TRPS1: variants seen among roughly 807,000 people sequenced by gnomAD.
The protein encoded by TRPS1 is zinc finger transcription factor Trps1.
A neutral mutation model predicts 101.2 loss-of-function variants in TRPS1; 6 were observed. The ratio of observed to expected loss-of-function variants is 0.06; its 90% CI spans 0.03 to 0.12. The LOEUF is 0.12. Among genes scored for constraint, TRPS1 ranks in the 10% least tolerant of loss-of-function variants. The pLI, the probability that TRPS1 is intolerant of heterozygous loss-of-function variation, is 1.00. For missense variants in TRPS1, 1,363 were observed against 1,567.0 expected (o/e 0.87, Z 2.20); for synonymous variants, 578 against 589.8 (o/e 0.98, Z 0.29).
rs3808433 is a variant in TRPS1 at position 115,545,204 on chromosome 8, G to C, written c.2700+41797C>G. On this transcript the variant is annotated intron_variant, in intron 5 of 6. Coordinates refer to ENST00000395715, the MANE Select transcript of TRPS1 (RefSeq NM_014112.5). ...CTACTATCAAATGCAGTCAAGCACA[G>C]GAAGAAAGAATACACTGATGACCGA... Among the ~76,000 whole-genome samples the C allele has an allele frequency of 1.1e-3, 172 of 152,214 alleles. 2 individuals carry two copies. The East Asian group carries it at 0.029, about 25-fold the overall frequency.
chr8:115,624,481 T>G (rs766194036), intron 1 of TRPS1, among the ~76,000 whole-genome samples: 13 of 151,992 alleles, frequency 8.6e-5, no homozygotes, highest in African/African-American at 1.4e-4. Flanking sequence ...ATAATGAGAA[T>G]GCATATTATA....
At chr8:115,492,723 T>C (rs185046707) in intron 5 of TRPS1, among the ~76,000 whole-genome samples, 2 of 152,198 alleles carry the variant, frequency 1.3e-5, no homozygotes, top group East Asian at 1.9e-4. Context: ...GTGTTTTTTG[T>C]TTCTGTTTGA....
chr8:115,445,862 G>T (rs1813720122), intron 5 of TRPS1, among the ~76,000 whole-genome samples: 2 of 152,196 alleles, frequency 1.3e-5, no homozygotes, highest in Middle Eastern at 3.4e-3. Flanking sequence ...ATGCATAAGG[G>T]TTTTAACATA....
intron 5 of TRPS1, among the ~76,000 whole-genome samples, chr8:115,450,702 C>T (rs1253569157): frequency 6.6e-6 from 1 of 152,092 alleles, no homozygotes; most frequent in African/African-American, 2.4e-5. Context: ...CTGAACACCA[C>T]ATATACATGA....
chr8:115,612,960 A>C (rs1290569488), intron 3 of TRPS1, among the ~76,000 whole-genome samples: 2 of 152,214 alleles, frequency 1.3e-5, no homozygotes, highest in Non-Finnish European at 2.9e-5. Flanking sequence ...GGAGGACATA[A>C]ATGGGAATGG....
At chr8:115,497,844 G>A (rs1183264478) in intron 5 of TRPS1, among the ~76,000 whole-genome samples, 1 of 152,112 alleles carries the variant, frequency 6.6e-6, no homozygotes, top group Admixed American at 6.5e-5. Context: ...ATACCAATCA[G>A]GTGCATTCTT....
intron 5 of TRPS1, among the ~76,000 whole-genome samples, chr8:115,489,137 T>C (rs553999718): frequency 1.3e-5 from 2 of 152,330 alleles, no homozygotes; most frequent in East Asian, 3.9e-4. Context: ...AATACATACC[T>C]GATCTCAAGT....
At chr8:115,668,030 C>G in intron 1 of TRPS1, 1 of 771,914 alleles carries the variant, frequency 1.3e-6, no homozygotes, top group Non-Finnish European at 2.0e-6. Flanking sequence ...AAAGAGACAG[C>G]GAGGGGGAGT....
chr8:115,504,561 AAC>A (rs1317226469), intron 5 of TRPS1, among the ~76,000 whole-genome samples: 2 of 152,156 alleles, frequency 1.3e-5, no homozygotes, highest in African/African-American at 4.8e-5. Context: ...CCTACCTTTA[AAC>A]ACAGTTGTGT....
chr8:115,497,599 TAG>T (rs2130127545), intron 5 of TRPS1, among the ~76,000 whole-genome samples: 1 of 152,162 alleles, frequency 6.6e-6, no homozygotes, highest in Non-Finnish European at 1.5e-5. Context: ...AAAAGAAAAA[TAG>T]AGACATGATT....
intron 5 of TRPS1, among the ~76,000 whole-genome samples, chr8:115,465,275 A>T (rs925429249): frequency 6.6e-6 from 1 of 152,112 alleles, no homozygotes; most frequent in Non-Finnish European, 1.5e-5. Flanking sequence ...TTAGGAAGAA[A>T]TTCCCAATGC....
intron 5 of TRPS1, among the ~76,000 whole-genome samples, chr8:115,506,522 C>T (rs1323263586): frequency 1.3e-5 from 2 of 151,890 alleles, no homozygotes; most frequent in Non-Finnish European, 2.9e-5. Context: ...TATTACATTG[C>T]CTGGCTCATA....
Position 115,418,299 on chromosome 8 carries a change from C to T in TRPS1, c.2823+31G>A, listed in dbSNP as rs1222574508. 1 of 1,613,994 alleles carries T rather than the reference C, an allele frequency of 6.2e-7. No homozygotes were observed. Among genetic ancestry groups the T allele is most frequent in the South Asian group, 1.1e-5 (1 of 91,090 alleles). On this transcript the variant is annotated intron_variant, in intron 6 of 6. Transcript: ENST00000395715. This position sits in a 1 kb window ranked among gnomAD's most constrained non-coding sequence, Gnocchi z 4.3. ...ACCAGGCCAACACTGCTTTATAAAG[C>T]TTTTCCTGAAAGAGTGGAACAAGTT...
Position 115,604,560 on chromosome 8 carries a change from T to C in TRPS1, c.1409A>G (p.Lys470Arg). 1 of 1,614,072 alleles carries C rather than the reference T, an allele frequency of 6.2e-7. No individual in the cohort carries two copies. Reference sequence around the variant, plus strand: ...GCCTGACTGCACTGCTCCGTGCTGCTTGCCATAATGTTCTAGCAGTTTAAG... The same window carrying C: ...GCCTGACTGCACTGCTCCGTGCTGCCTGCCATAATGTTCTAGCAGTTTAAG... ...SSLKLLEHYG[K>R]QHGAVQSGGL... is the part of the protein sequence containing the mutation. The change falls in exon 4 of 7, where the codon AAG (lysine) becomes AGG (arginine). Residue 470 changes from lysine (K) to arginine (R), a missense_variant. By Grantham distance (26) the Lys-to-Arg change is conservative (BLOSUM62 2). Coordinates refer to ENST00000395715, the MANE Select transcript of TRPS1 (RefSeq NM_014112.5). The surrounding 1 kb of genome is among the most constrained non-coding windows in gnomAD (Gnocchi z 4.1).
At chr8:115,546,810 T>C (rs1816585171) in intron 5 of TRPS1, among the ~76,000 whole-genome samples, 1 of 152,224 alleles carries the variant, frequency 6.6e-6, no homozygotes, top group African/African-American at 2.4e-5. Flanking sequence ...AAAATTTGCT[T>C]ACTTTTTAAC....
At chr8:115,526,928 T>G (rs761222996) in intron 5 of TRPS1, among the ~76,000 whole-genome samples, 76 of 152,178 alleles carry the variant, frequency 5.0e-4, no homozygotes, top group Non-Finnish European at 9.0e-4. Flanking sequence ...CTAGGAGAGA[T>G]ACACTGATGT....
intron 5 of TRPS1, among the ~76,000 whole-genome samples, chr8:115,449,142 CTG>C (rs1473363558): frequency 6.6e-6 from 1 of 152,058 alleles, no homozygotes; most frequent in Non-Finnish European, 1.5e-5. Flanking sequence ...CTAATTTCCT[CTG>C]TTATAAAGAA....
rs1429973526 is a variant in TRPS1 at position 115,498,413 on chromosome 8, CTCTATATATATATATATA to C, written c.2701-79979_2701-79962del. On this transcript the variant is annotated intron_variant, in intron 5 of 6. Coordinates refer to ENST00000395715, the MANE Select transcript of TRPS1 (RefSeq NM_014112.5). ...TCTCTCTCTCTCTCTCTCTCTCTCTCTCTATATATATATATATATATATATATATATATATATAGTTGA... is the reference window on the plus strand; with the variant it reads ...TCTCTCTCTCTCTCTCTCTCTCTCTCTATATATATATATATATATAGTTGA... Among the ~76,000 whole-genome samples the C allele has an allele frequency of 5.0e-4, 32 of 63,472 alleles. 1 individual carries two copies. In the East Asian group the frequency reaches 6.3e-3, roughly 12 times the overall value. The allele number at this position is 63,472 out of a possible 152,430, so 41.6% of individuals were successfully genotyped here. A position where few individuals can be genotyped will look rare whatever the true frequency, so the allele number is the denominator to read the frequency against.
At chr8:115,569,091 T>A (rs1273150169) in intron 5 of TRPS1, among the ~76,000 whole-genome samples, 1 of 152,022 alleles carries the variant, frequency 6.6e-6, no homozygotes, top group African/African-American at 2.4e-5. Flanking sequence ...AGGAGTTACA[T>A]CCCCGTAAAC....
Sources: allele counts gnomAD v4.1 joint callset (sites outside exome capture counted in the v4.1 genomes callset), GRCh38; gene constraint gnomAD v4.1.1; non-coding constraint Gnocchi (gnomAD v3.1); transcripts MANE v1.5; gene names NCBI Gene and HGNC (gene_info 2026-07-23, HGNC 2026-07-21).